KIAA1217: variants seen among roughly 807,000 people sequenced by gnomAD.
KIAA1217 encodes sickle tail protein homolog.
A neutral mutation model predicts 163.9 loss-of-function variants in KIAA1217; 88 were observed. That is an observed-to-expected ratio of 0.54 (90% confidence interval 0.45 to 0.64). KIAA1217 has a LOEUF of 0.64. Ranked by LOEUF, KIAA1217 falls within the 30% of genes least tolerant of loss-of-function variation. The probability of loss-of-function intolerance (pLI) is 0.00; values close to 1 mark genes in which losing one functional copy is unlikely to be tolerated. For missense variants in KIAA1217, 2,372 were observed against 2,475.0 expected (o/e 0.96, Z 0.88); for synonymous variants, 903 against 923.1 (o/e 0.98, Z 0.39).
intron 14 of KIAA1217, among the ~76,000 whole-genome samples, chr10:24,528,965 A>T (rs1592691146): frequency 1.3e-5 from 2 of 152,088 alleles, no homozygotes; most frequent in African/African-American, 4.8e-5. Flanking sequence ...AAGAATCTCA[A>T]CCTATTAAAT....
chr10:24,071,375 A>G (rs1428803210), intron 2 of KIAA1217, among the ~76,000 whole-genome samples: 1 of 152,190 alleles, frequency 6.6e-6, no homozygotes, highest in Non-Finnish European at 1.5e-5. Flanking sequence ...TGCACTTCAC[A>G]TTGGATATCC....
intron 13 of KIAA1217, among the ~76,000 whole-genome samples, chr10:24,527,059 T>G (rs935290481): frequency 1.3e-5 from 2 of 152,156 alleles, no homozygotes; most frequent in East Asian, 3.9e-4. Context: ...CAGAAAACAT[T>G]CTTTTAAAAA....
At chr10:24,515,123 G>T (rs1017018985) in intron 10 of KIAA1217, among the ~76,000 whole-genome samples, 1 of 151,982 alleles carries the variant, frequency 6.6e-6, no homozygotes, top group African/African-American at 2.4e-5. Flanking sequence ...CTGGAGTGCA[G>T]TGGCATGATC....
rs1403440421 is a variant in KIAA1217, at chr10:24,547,291, A to G, written c.*967A>G. The G allele has an allele frequency of 1.3e-5, 2 of 152,486 alleles. No individual in the cohort carries two copies. The highest frequency in any genetic ancestry group is 2.9e-5 in the Non-Finnish European group (2 of 68,016). 9.4% of individuals were successfully genotyped at this position (152,486 alleles called of 1,614,324 possible). A position where few individuals can be genotyped will look rare whatever the true frequency, so the allele number is the denominator to read the frequency against. Reference sequence around the variant, plus strand: ...ACATAGAGTAGTTTTCCCACACCAAAGTTAATTTTTATGCATGCTTTAAAA... The same window carrying G: ...ACATAGAGTAGTTTTCCCACACCAAGGTTAATTTTTATGCATGCTTTAAAA... On this transcript the variant is annotated 3_prime_UTR_variant, in exon 21 of 21. Coordinates refer to ENST00000376454, the MANE Select transcript of KIAA1217 (RefSeq NM_019590.5).
At chr10:24,232,635 G>A (rs557240854) in intron 2 of KIAA1217, among the ~76,000 whole-genome samples, 4 of 152,170 alleles carry the variant, frequency 2.6e-5, no homozygotes, top group African/African-American at 9.6e-5. Context: ...AAAGACCAAT[G>A]TGATTCAGTC....
At chr10:24,146,394 T>A (rs2064314042) in intron 2 of KIAA1217, among the ~76,000 whole-genome samples, 1 of 152,232 alleles carries the variant, frequency 6.6e-6, no homozygotes, top group Non-Finnish European at 1.5e-5. Flanking sequence ...ACCAGAGCCA[T>A]CAATTTGATC....
At chr10:24,214,522 A>G (rs1261291814) in intron 1 of KIAA1217, among the ~76,000 whole-genome samples, 1 of 152,206 alleles carries the variant, frequency 6.6e-6, no homozygotes, top group Non-Finnish European at 1.5e-5. Context: ...GGTGGCCCAC[A>G]TGGCTTCTGC....
chr10:23,861,954 G>A lies in KIAA1217; in HGVS notation c.-320-145271G>A, dbSNP rs547068701. 3.3e-5 allele frequency among the ~76,000 whole-genome samples: 5 copies of A among 152,234 alleles called. No homozygotes were observed. In the South Asian group the frequency reaches 1.0e-3, roughly 32 times the overall value. On this transcript the variant is annotated intron_variant, in intron 1 of 18. Transcript: ENST00000376462. Reference sequence around the variant, plus strand: ...TGTTTTTTAAAGCTGCTAAATTTGTGGCAATTTGTTATGACAGCAATAGAA... The same window carrying A: ...TGTTTTTTAAAGCTGCTAAATTTGTAGCAATTTGTTATGACAGCAATAGAA...
chr10:24,168,515 C>A (rs2065464693), intron 2 of KIAA1217, among the ~76,000 whole-genome samples: 1 of 152,162 alleles, frequency 6.6e-6, no homozygotes, highest in African/African-American at 2.4e-5. Context: ...GGGGTGTGGA[C>A]CATTCTCTCC....
intron 1 of KIAA1217, among the ~76,000 whole-genome samples, chr10:23,747,394 T>C (rs895645368): frequency 6.6e-6 from 1 of 152,166 alleles, no homozygotes; most frequent in Non-Finnish European, 1.5e-5. Flanking sequence ...TCAGAGGTTT[T>C]ATGAAGATGA....
At chr10:24,138,793 G>C (rs1304632161) in intron 2 of KIAA1217, among the ~76,000 whole-genome samples, 1 of 152,112 alleles carries the variant, frequency 6.6e-6, no homozygotes, top group Non-Finnish European at 1.5e-5. Flanking sequence ...CCTGAACCCA[G>C]TGTCTAAAAT....
intron 2 of KIAA1217, among the ~76,000 whole-genome samples, chr10:24,013,216 C>G (rs1398892501): frequency 6.6e-6 from 1 of 151,984 alleles, no homozygotes; most frequent in African/African-American, 2.4e-5. Flanking sequence ...TATCTAAGCA[C>G]AAGAAGGCCA....
intron 2 of KIAA1217, among the ~76,000 whole-genome samples, chr10:24,312,498 A>G (rs2133067356): frequency 6.6e-6 from 1 of 152,240 alleles, no homozygotes; most frequent in South Asian, 2.1e-4. Flanking sequence ...GCATGCCTGT[A>G]ATCCCAGCTG....
chr10:24,115,474 A>C (rs2063016326), intron 2 of KIAA1217, among the ~76,000 whole-genome samples: 2 of 152,198 alleles, frequency 1.3e-5, no homozygotes, highest in Non-Finnish European at 2.9e-5. Context: ...GCATTGGGGT[A>C]AAAAGGCCAG....
intron 1 of KIAA1217, among the ~76,000 whole-genome samples, chr10:23,739,886 A>G (rs1336496155): frequency 6.6e-6 from 1 of 152,236 alleles, no homozygotes; most frequent in Non-Finnish European, 1.5e-5. Flanking sequence ...AAGCAGAGCC[A>G]ACATGATTGG....
intron 1 of KIAA1217, among the ~76,000 whole-genome samples, chr10:23,825,444 G>A (rs993426150): frequency 4.6e-5 from 7 of 152,128 alleles, no homozygotes; most frequent in African/African-American, 7.2e-5. Context: ...CTATATTGAT[G>A]AACATATATG....
chr10:23,740,122 G>A (rs924853041), intron 1 of KIAA1217, among the ~76,000 whole-genome samples: 1 of 152,068 alleles, frequency 6.6e-6, no homozygotes, highest in Non-Finnish European at 1.5e-5. Context: ...TGAAGCTCAG[G>A]GGAGAGGTCA....
chr10:24,185,734 G>A (rs1009157470), intron 2 of KIAA1217, among the ~76,000 whole-genome samples: 1 of 152,082 alleles, frequency 6.6e-6, no homozygotes, highest in African/African-American at 2.4e-5. Flanking sequence ...GGCAGAGGTT[G>A]CAGTGAGCTG....
At chr10:23,694,900 G>C (rs888263935) in exon 1 of KIAA1217, 4 of 152,668 alleles carry the variant, frequency 2.6e-5, no homozygotes, top group Admixed American at 1.3e-4. Context: ...CGTTTCCGGG[G>C]GAGGACGGAG....
Sources: gnomAD v4.1 joint callset for allele counts (sites outside exome capture counted in the v4.1 genomes callset) on GRCh38, gnomAD v4.1.1 for gene constraint, MANE v1.5 for transcripts, NCBI Gene and HGNC (gene_info 2026-07-23, HGNC 2026-07-21) for gene names.